The following ATRNL1 variants were observed in gnomAD, a reference collection of about 807,000 sequenced individuals.
The protein encoded by ATRNL1 is attractin-like protein 1.
In ATRNL1, 95 loss-of-function variants were observed where a neutral mutation model predicts 182.7. The ratio of observed to expected loss-of-function variants is 0.52; its 90% CI spans 0.44 to 0.62. The LOEUF (loss-of-function observed/expected upper bound fraction) is 0.62, where lower values mean the gene tolerates loss of function less well. ATRNL1 is among the 20% of genes least tolerant of loss of function. ATRNL1 has a pLI of 0.00. For missense variants in ATRNL1, 1,471 were observed against 1,679.5 expected (o/e 0.88, Z 2.17); for synonymous variants, 576 against 568.3 (o/e 1.01, Z -0.19).
chr10:115,560,091 T>C (rs562844509), intron 26 of ATRNL1, among the ~76,000 whole-genome samples: 5 of 152,162 alleles, frequency 3.3e-5, no homozygotes, highest in Non-Finnish European at 5.9e-5. Flanking sequence ...ACATTAGCAA[T>C]GAAAAACCTG....
At chr10:115,559,966 CAT>C (rs1554998815) in intron 26 of ATRNL1, among the ~76,000 whole-genome samples, 3 of 152,126 alleles carry the variant, frequency 2.0e-5, no homozygotes, top group Admixed American at 6.5e-5. Context: ...TTGCAAATAA[CAT>C]GTTTTGTAAA....
At chr10:115,444,038 A>G (rs1230555242) in intron 21 of ATRNL1, among the ~76,000 whole-genome samples, 1 of 152,168 alleles carries the variant, frequency 6.6e-6, no homozygotes, top group Non-Finnish European at 1.5e-5. Context: ...ATTCAGAAAG[A>G]ATATCAAAGA....
chr10:115,724,324 A>T lies in ATRNL1; in HGVS notation c.3796-2924A>T, dbSNP rs544486730. On this transcript the variant is annotated intron_variant, in intron 26 of 28. Transcript: ENST00000355044. ...CAACTGTCTCATAAATTTGCAAAAC[A>T]TTTGTTAAAAGGGAGACTAGTAGAG... Among the ~76,000 whole-genome samples the T allele has an allele frequency of 8.1e-3, 1,232 of 152,256 alleles. 7 individuals are homozygous for T. The highest frequency in any genetic ancestry group is 0.014 in the Middle Eastern group (4 of 294).
intron 24 of ATRNL1, among the ~76,000 whole-genome samples, chr10:115,492,113 G>A (rs781928136): frequency 5.3e-5 from 8 of 152,146 alleles, no homozygotes; most frequent in Non-Finnish European, 1.2e-4. Flanking sequence ...GTGTACTTCA[G>A]TTGGAAATAC....
intron 25 of ATRNL1, among the ~76,000 whole-genome samples, chr10:115,542,399 G>C (rs1852410697): frequency 6.6e-6 from 1 of 152,020 alleles, no homozygotes; most frequent in African/African-American, 2.4e-5. Context: ...TGGCTGTGTA[G>C]CAAACCATCC....
At chr10:115,542,725 G>C (rs1480313733) in intron 25 of ATRNL1, among the ~76,000 whole-genome samples, 1 of 152,162 alleles carries the variant, frequency 6.6e-6, no homozygotes, top group Non-Finnish European at 1.5e-5. Flanking sequence ...CACAGACTAA[G>C]TGGGTTAAAC....
intron 27 of ATRNL1, among the ~76,000 whole-genome samples, chr10:115,776,034 T>C (rs997746227): frequency 3.3e-5 from 5 of 152,060 alleles, no homozygotes; most frequent in Admixed American, 1.3e-4. Flanking sequence ...AGCTCTGTTA[T>C]ACAAGAGGTA....
intron 26 of ATRNL1, among the ~76,000 whole-genome samples, chr10:115,640,861 A>G (rs1859196219): frequency 6.6e-6 from 1 of 151,856 alleles, no homozygotes; most frequent in South Asian, 2.1e-4. Flanking sequence ...CTATGTCCTG[A>G]ATGGTATTGC....
chr10:115,620,926 A>AT (rs1299894892), intron 26 of ATRNL1, among the ~76,000 whole-genome samples: 1 of 151,878 alleles, frequency 6.6e-6, no homozygotes, highest in Admixed American at 6.6e-5. Context: ...TTTCATAGAA[A>AT]TTTTTTTCTA....
intron 19 of ATRNL1, among the ~76,000 whole-genome samples, chr10:115,386,799 T>G (rs1365609201): frequency 7.1e-6 from 1 of 140,952 alleles, no homozygotes; most frequent in Non-Finnish European, 1.6e-5. Context: ...TATCTCCTAA[T>G]GCTATCCCTC....
intron 28 of ATRNL1, among the ~76,000 whole-genome samples, chr10:115,935,911 T>G (rs920959729): frequency 4.6e-5 from 7 of 152,230 alleles, no homozygotes; most frequent in Non-Finnish European, 1.0e-4. Context: ...GTAAGTCATG[T>G]GTTTCCTCAT....
In ATRNL1 at chr10:115,494,364, G is replaced by A. The variant is rs1405585255; in HGVS notation, c.3655-24899G>A. Among the ~76,000 whole-genome samples, 7 of 152,090 alleles carry A rather than the reference G, an allele frequency of 4.6e-5. 1 individual carries two copies. The highest frequency in any genetic ancestry group is 1.9e-4 in the East Asian group (1 of 5,180). On this transcript the variant is annotated intron_variant, in intron 24 of 28. Transcript: ENST00000355044. ...CTGATTGCTGTGGCCAGGACTTCCAGTACTGTGTCGAACAGGAGTGGTGAG... is the reference window on the plus strand; with the variant it reads ...CTGATTGCTGTGGCCAGGACTTCCAATACTGTGTCGAACAGGAGTGGTGAG...
intron 26 of ATRNL1, among the ~76,000 whole-genome samples, chr10:115,709,872 T>C (rs782184465): frequency 1.3e-5 from 2 of 152,074 alleles, no homozygotes; most frequent in African/African-American, 2.4e-5. Context: ...TTGTTTATGC[T>C]ACTTACTTGA....
chr10:115,781,512 T>A (rs1949265295), intron 27 of ATRNL1, among the ~76,000 whole-genome samples: 1 of 152,162 alleles, frequency 6.6e-6, no homozygotes, highest in Non-Finnish European at 1.5e-5. Flanking sequence ...CACAACTACA[T>A]GCAACCATAT....
chr10:115,635,458 A>G (rs1555027768), intron 26 of ATRNL1, among the ~76,000 whole-genome samples: 1 of 152,176 alleles, frequency 6.6e-6, no homozygotes, highest in African/African-American at 2.4e-5. Flanking sequence ...ACATCTATCA[A>G]ATGGCTAAAA....
At chr10:115,398,217 G>T (rs1255422015) in intron 20 of ATRNL1, among the ~76,000 whole-genome samples, 1 of 152,010 alleles carries the variant, frequency 6.6e-6, no homozygotes, top group Non-Finnish European at 1.5e-5. Context: ...GGGATTGGCA[G>T]CCGCAGTGGG....
At chr10:115,454,178 C>G (rs2134498586) in intron 21 of ATRNL1, among the ~76,000 whole-genome samples, 1 of 152,118 alleles carries the variant, frequency 6.6e-6, no homozygotes, top group East Asian at 1.9e-4. Flanking sequence ...CCATTGTGTT[C>G]TTGGCATCCT....
At chr10:115,738,691 G>A (rs1011195617) in intron 27 of ATRNL1, among the ~76,000 whole-genome samples, 1 of 152,014 alleles carries the variant, frequency 6.6e-6, no homozygotes, top group Non-Finnish European at 1.5e-5. Context: ...ATTGATTGAA[G>A]CATGAAATAA....
intron 8 of ATRNL1, among the ~76,000 whole-genome samples, chr10:115,186,228 G>A (rs1243939113): frequency 6.6e-6 from 1 of 152,032 alleles, no homozygotes; most frequent in Non-Finnish European, 1.5e-5. Flanking sequence ...GCGAGGATGT[G>A]GAGAAAAGGG....
Sources: gnomAD v4.1 joint callset for allele counts (sites outside exome capture counted in the v4.1 genomes callset) on GRCh38, gnomAD v4.1.1 for gene constraint, MANE v1.5 for transcripts, NCBI Gene and HGNC (gene_info 2026-07-23, HGNC 2026-07-21) for gene names.